Variants in RPS6KC1 observed in about 807,000 individuals in gnomAD.
The protein encoded by RPS6KC1 is inactive ribosomal protein S6 kinase delta-1.
RPS6KC1 carries 54 observed loss-of-function variants against 103.8 expected under a neutral mutation model. That is an observed-to-expected ratio of 0.52 (90% CI 0.42 to 0.65). RPS6KC1 has a LOEUF of 0.65. RPS6KC1 is among the 30% of genes least tolerant of loss of function. RPS6KC1 has a pLI of 0.00. For missense variants in RPS6KC1, 1,151 were observed against 1,253.8 expected, an observed-to-expected ratio of 0.92 and a Z score of 1.24; for synonymous variants, 439 against 438.7, an observed-to-expected ratio of 1.00 and a Z score of -0.01.
At chr1:213,304,760 C>T in the RPS6KC1 span, among the ~76,000 whole-genome samples, 9 of 152,072 alleles carry the variant, frequency 5.9e-5, no homozygotes, top group Admixed American at 1.3e-4. Flanking sequence ...AGGCTGGTCT[C>T]GAACTCGTGA....
the RPS6KC1 span, among the ~76,000 whole-genome samples, chr1:213,692,815 A>G: frequency 7.9e-5 from 12 of 152,128 alleles, no homozygotes; most frequent in African/African-American, 2.9e-4. Flanking sequence ...ATTTCTATCT[A>G]TTGGGAGACT....
At chr1:213,719,533 C>T in the RPS6KC1 span, among the ~76,000 whole-genome samples, 1 of 148,572 alleles carries the variant, frequency 6.7e-6, no homozygotes, top group South Asian at 2.2e-4. Context: ...ATAATATTTA[C>T]ATTTTATTAA....
At chr1:213,610,146 A>G in the RPS6KC1 span, among the ~76,000 whole-genome samples, 1 of 152,136 alleles carries the variant, frequency 6.6e-6, no homozygotes, top group Admixed American at 6.5e-5. Flanking sequence ...TAAGCAAAAA[A>G]TGGCATTTTA....
chr1:213,716,913 G>A, the RPS6KC1 span, among the ~76,000 whole-genome samples: 28,698 of 152,140 alleles, frequency 0.19, 3,284 homozygotes, highest in South Asian at 0.27. Context: ...TGAGAAAACC[G>A]ATGCAAACTA....
At chr1:213,632,043 A>G in the RPS6KC1 span, among the ~76,000 whole-genome samples, 2 of 152,330 alleles carry the variant, frequency 1.3e-5, no homozygotes, top group East Asian at 3.9e-4. Context: ...TTTATTCAGC[A>G]TAATGCTTTT....
intron 8 of RPS6KC1, among the ~76,000 whole-genome samples, chr1:213,221,008 G>T (rs547867712): frequency 2.6e-5 from 4 of 151,862 alleles, no homozygotes; most frequent in Non-Finnish European, 2.9e-5. Context: ...TTGAAGTATG[G>T]GTATGATAGT....
At chr1:213,661,809 G>A in the RPS6KC1 span, among the ~76,000 whole-genome samples, 1 of 152,148 alleles carries the variant, frequency 6.6e-6, no homozygotes, top group Non-Finnish European at 1.5e-5. Context: ...TGCAATTTAT[G>A]CCAGTTTATG....
chr1:213,609,496 G>A, the RPS6KC1 span, among the ~76,000 whole-genome samples: 1,226 of 152,160 alleles, frequency 8.1e-3, 19 homozygotes, highest in African/African-American at 0.029. Flanking sequence ...CTGTTGAGTC[G>A]GGGCGTGCAA....
At chr1:213,106,278 CA>C (rs917411412) in intron 4 of RPS6KC1, among the ~76,000 whole-genome samples, 2 of 149,084 alleles carry the variant, frequency 1.3e-5, no homozygotes, top group African/African-American at 4.9e-5. Context: ...TTAGCTTGAA[CA>C]AAAAAAAAGG....
At chr1:213,563,363 G>A in the RPS6KC1 span, among the ~76,000 whole-genome samples, 1 of 151,578 alleles carries the variant, frequency 6.6e-6, no homozygotes, top group African/African-American at 2.4e-5. Flanking sequence ...CTAGGTCTTT[G>A]TACAGATTAT....
the RPS6KC1 span, among the ~76,000 whole-genome samples, chr1:213,396,915 G>C: frequency 6.6e-6 from 1 of 152,176 alleles, no homozygotes; most frequent in Non-Finnish European, 1.5e-5. Flanking sequence ...GTAGGCACAG[G>C]CTCCACGATG....
chr1:213,409,073 G>T, the RPS6KC1 span, among the ~76,000 whole-genome samples: 1 of 152,080 alleles, frequency 6.6e-6, no homozygotes, highest in African/African-American at 2.4e-5. Flanking sequence ...GAAAGCGGAG[G>T]AGTGATGATG....
chr1:213,328,539 T>TATCA, the RPS6KC1 span, among the ~76,000 whole-genome samples: 3 of 130,730 alleles, frequency 2.3e-5, no homozygotes, highest in African/African-American at 5.7e-5. Context: ...TATATATATA[T>TATCA]ATCACACACA....
chr1:213,489,981 G>C, the RPS6KC1 span, among the ~76,000 whole-genome samples: 7 of 152,212 alleles, frequency 4.6e-5, no homozygotes, highest in South Asian at 1.5e-3. Flanking sequence ...ACATGATCAC[G>C]TTTATTTCCA....
the RPS6KC1 span, among the ~76,000 whole-genome samples, chr1:213,750,958 G>C: frequency 6.6e-6 from 1 of 152,166 alleles, no homozygotes; most frequent in Non-Finnish European, 1.5e-5. Flanking sequence ...AACTGGGGAA[G>C]AACTATAGTA....
chr1:213,323,206 C>A, the RPS6KC1 span, among the ~76,000 whole-genome samples: 1 of 152,044 alleles, frequency 6.6e-6, no homozygotes, highest in Non-Finnish European at 1.5e-5. Flanking sequence ...ATACTAGACC[C>A]ACCCCATAAT....
chr1:213,826,853 T>C, the RPS6KC1 span, among the ~76,000 whole-genome samples: 1 of 152,172 alleles, frequency 6.6e-6, no homozygotes, highest in African/African-American at 2.4e-5. Context: ...CTTGGATCCA[T>C]GGACAGGAAA....
At chr1:213,296,999 A>T in the RPS6KC1 span, among the ~76,000 whole-genome samples, 1 of 152,114 alleles carries the variant, frequency 6.6e-6, no homozygotes, top group African/African-American at 2.4e-5. Flanking sequence ...GAGGTTGTTG[A>T]TTCTTCCTTT....
the RPS6KC1 span, among the ~76,000 whole-genome samples, chr1:213,335,293 G>A: frequency 1.3e-5 from 2 of 152,236 alleles, no homozygotes; most frequent in Non-Finnish European, 2.9e-5. Flanking sequence ...TGTTGTATTA[G>A]TTAGGATTAG....
Sources: gnomAD v4.1 joint callset for allele counts (sites outside exome capture counted in the v4.1 genomes callset) on GRCh38, gnomAD v4.1.1 for gene constraint, MANE v1.5 for transcripts, NCBI Gene and HGNC (gene_info 2026-07-23, HGNC 2026-07-21) for gene names.